Variants in YBX1 observed in about 807,000 individuals in gnomAD.
YBX1 encodes the protein Y-box binding protein 1.
A neutral mutation model predicts 41.4 loss-of-function variants in YBX1; 3 were observed. That is an observed-to-expected ratio of 0.07 (90% CI 0.03 to 0.19). The LOEUF (loss-of-function observed/expected upper bound fraction) is 0.19. YBX1 is among the 10% of genes least tolerant of loss of function. The probability of loss-of-function intolerance (pLI) is 1.00; values close to 1 mark genes in which losing one functional copy is unlikely to be tolerated. For missense variants in YBX1, 274 were observed against 462.8 expected (o/e 0.59, Z 3.74); for synonymous variants, 133 against 165.8 (o/e 0.80, Z 1.52).
chr1:42,690,548 C>A (rs541459726), intron 2 of YBX1, among the ~76,000 whole-genome samples: 4 of 152,240 alleles, frequency 2.6e-5, no homozygotes, highest in African/African-American at 9.6e-5. Context: ...CAGGGCACTC[C>A]TGTGACCTGC....
rs1437291151 is a variant in YBX1, at chr1:42,682,514, C to T, written c.-52C>T. The T allele has an allele frequency of 2.1e-6, 3 of 1,410,552 alleles. No individual in the cohort carries two copies. Among genetic ancestry groups the T allele is most frequent in the Middle Eastern group, 5.2e-4 (2 of 3,866 alleles). 87.4% of individuals were successfully genotyped at this position (1,410,552 alleles called of 1,614,324 possible). A position where few individuals can be genotyped will look rare whatever the true frequency, so the allele number is the denominator to read the frequency against. On this transcript the variant is annotated 5_prime_UTR_variant, in exon 1 of 8. Transcript: ENST00000321358. ...CCGCCGGCCTAGTTACCATCACACCCCGGGAGGAGCCGCAGCTGCCGCAGC... is the reference window on the plus strand; with the variant it reads ...CCGCCGGCCTAGTTACCATCACACCTCGGGAGGAGCCGCAGCTGCCGCAGC...
rs749210134 is a variant in YBX1 at position 42,696,162 on chromosome 1, C to A, written c.265-37C>A. On this transcript the variant is annotated intron_variant, in intron 3 of 7. Coordinates refer to ENST00000321358, the MANE Select transcript of YBX1 (RefSeq NM_004559.5). This position sits in a 1 kb window ranked among gnomAD's most constrained non-coding sequence, Gnocchi z 5.7. ...TTTAAATGAAAAAGCACATTATTCT[C>A]CCCTGTTAATCTATTTTTGGAATGT... The A allele has an allele frequency of 1.3e-6, 2 of 1,535,108 alleles. No homozygotes were observed. Among genetic ancestry groups the A allele is most frequent in the Middle Eastern group, 1.7e-4 (1 of 5,792 alleles).
chr1:42,703,157 C>T lies in YBX1; in HGVS notation c.*1208C>T, dbSNP rs1156451581. Among the ~76,000 whole-genome samples, 1 of 152,070 alleles carries T rather than the reference C, an allele frequency of 6.6e-6. No individual in the cohort carries two copies. Among genetic ancestry groups the T allele is most frequent in the African/African-American group, 2.4e-5 (1 of 41,396 alleles). On this transcript the variant is annotated 3_prime_UTR_variant, in exon 8 of 8. Transcript: ENST00000321358. The stretch of plus-strand genomic sequence containing the variant: ...GCCAGGATGGTCTTGATCTCTTGAC[C>T]TTGTGATCCGCCCGCCTCAGCCTCC...
chr1:42,693,990 G>C (rs1650400710), intron 3 of YBX1, among the ~76,000 whole-genome samples: 1 of 151,718 alleles, frequency 6.6e-6, no homozygotes, highest in Non-Finnish European at 1.5e-5. Flanking sequence ...GTAGCATAAA[G>C]AGCCTTCTGC....
Position 42,682,489 on chromosome 1 carries a change from C to T in YBX1, c.-77C>T. The T allele has an allele frequency of 7.4e-7, 1 of 1,356,028 alleles. No individual in the cohort carries two copies. Among genetic ancestry groups the T allele is most frequent in the Non-Finnish European group, 9.5e-7 (1 of 1,057,540 alleles). 84.0% of individuals were successfully genotyped at this position (1,356,028 alleles called of 1,614,324 possible). On this transcript the variant is annotated 5_prime_UTR_variant, in exon 1 of 8. Transcript: ENST00000321358. Reference sequence around the variant, plus strand: ...AGAGCCCTGAGCAGCCCCACCGCCGCCGCCGGCCTAGTTACCATCACACCC... The same window carrying T: ...AGAGCCCTGAGCAGCCCCACCGCCGTCGCCGGCCTAGTTACCATCACACCC...
At chr1:42,700,454 A>G (rs1347360580) in intron 6 of YBX1, among the ~76,000 whole-genome samples, 1 of 151,988 alleles carries the variant, frequency 6.6e-6, no homozygotes, top group East Asian at 1.9e-4. Flanking sequence ...TCAGACATTA[A>G]TGAGACGTGG....
chr1:42,700,402 A>C (rs1196750465), intron 6 of YBX1, among the ~76,000 whole-genome samples: 3 of 152,114 alleles, frequency 2.0e-5, no homozygotes, highest in African/African-American at 7.2e-5. Flanking sequence ...TCAGGAATTC[A>C]AGACCAGCCT....
intron 3 of YBX1, among the ~76,000 whole-genome samples, chr1:42,695,756 CA>C (rs138230614): frequency 0.014 from 2,103 of 152,302 alleles, 39 homozygotes; most frequent in African/African-American, 0.043. Flanking sequence ...TACGGTAACA[CA>C]GGGGCAAAGT....
intron 2 of YBX1, among the ~76,000 whole-genome samples, chr1:42,685,598 C>T (rs966208496): frequency 2.0e-5 from 3 of 152,158 alleles, no homozygotes; most frequent in African/African-American, 7.2e-5. Flanking sequence ...GCACCTGTCT[C>T]TTATGAGGGA....
intron 2 of YBX1, among the ~76,000 whole-genome samples, chr1:42,686,766 T>C (rs1467270615): frequency 6.6e-6 from 1 of 152,226 alleles, no homozygotes; most frequent in Admixed American, 6.5e-5. Flanking sequence ...TGAGCCAATT[T>C]ACTTAATCTT....
chr1:42,694,631 CAAG>C (rs1011844401), intron 3 of YBX1, among the ~76,000 whole-genome samples: 2 of 152,116 alleles, frequency 1.3e-5, no homozygotes, highest in African/African-American at 2.4e-5. Flanking sequence ...TATTTGATGA[CAAG>C]GAGGAAGCTA....
intron 6 of YBX1, among the ~76,000 whole-genome samples, chr1:42,699,247 A>G (rs369467209): frequency 1.3e-5 from 2 of 152,178 alleles, no homozygotes; most frequent in African/African-American, 2.4e-5. Flanking sequence ...ATGGGCACGC[A>G]TGTGTTAATG....
At chr1:42,698,060 G>A (rs191458093) in intron 6 of YBX1, among the ~76,000 whole-genome samples, 53 of 152,250 alleles carry the variant, frequency 3.5e-4, no homozygotes, top group Non-Finnish European at 3.1e-4. Flanking sequence ...CACTTAAATC[G>A]CAACTTTTAA....
At chr1:42,685,591 CCTGT>C (rs1489256582) in intron 2 of YBX1, among the ~76,000 whole-genome samples, 1 of 152,146 alleles carries the variant, frequency 6.6e-6, no homozygotes, top group Non-Finnish European at 1.5e-5. Context: ...GCTGGAGGCA[CCTGT>C]CTCTTATGAG....
chr1:42,689,489 G>A (rs912835798), intron 2 of YBX1, among the ~76,000 whole-genome samples: 5 of 152,166 alleles, frequency 3.3e-5, no homozygotes, highest in African/African-American at 1.2e-4. Context: ...ATAAATTTAT[G>A]TATAATAAGT....
chr1:42,697,084 T>C, intron 5 of YBX1, 96 bp from the exon 6 acceptor site: 1 of 1,486,912 alleles, frequency 6.7e-7, no homozygotes. Context: ...TACTAGATGG[T>C]CTGTTTTGTT....
intron 2 of YBX1, among the ~76,000 whole-genome samples, chr1:42,691,043 GTC>G (rs1397402702): frequency 6.6e-6 from 1 of 152,130 alleles, no homozygotes. Flanking sequence ...ATATTTGAGG[GTC>G]TCTTTTGTTA....
At position 42,700,768 on chromosome 1, in the gene YBX1, C is replaced by T. The variant is rs760064371; in HGVS notation, c.741-13C>T. ...GGTTTTATCATTCTTAAGTTTGACA[C>T]CGTTCATTGCAGGGGCCCTCCTCGC... On this transcript the variant is annotated splice_polypyrimidine_tract_variant and intron_variant, in intron 6 of 7. Transcript: ENST00000321358. The T allele has an allele frequency of 1.4e-5, 23 of 1,602,400 alleles. No homozygotes were observed. The highest frequency in any genetic ancestry group is 2.0e-5 in the Non-Finnish European group (23 of 1,174,980).
chr1:42,682,827 G>T, intron 1 of YBX1, 96 bp downstream of exon 1: 5 of 767,588 alleles, frequency 6.5e-6, no homozygotes, highest in Non-Finnish European at 8.6e-6. Context: ...CGCGGCCGGT[G>T]GGCACCGACT....
Sources: allele counts gnomAD v4.1 joint callset (sites outside exome capture counted in the v4.1 genomes callset), GRCh38; gene constraint gnomAD v4.1.1; non-coding constraint Gnocchi (gnomAD v3.1); transcripts MANE v1.5; gene names NCBI Gene and HGNC (gene_info 2026-07-23, HGNC 2026-07-21).